Variants in C5orf63 observed in about 807,000 individuals in gnomAD.
C5orf63 encodes glutaredoxin-like protein C5orf63.
In C5orf63, 18 loss-of-function variants were observed where a neutral mutation model predicts 13.3. The observed-to-expected ratio is 1.36, with a 90% CI of 0.94 to 2.01. The LOEUF is 2.01. Among genes scored for constraint, C5orf63 ranks in the 30% most tolerant of loss-of-function variants. C5orf63 has a pLI of 0.00. For synonymous variants in C5orf63, 38 were observed against 44.7 expected (o/e 0.85, Z 0.60); for missense variants, 118 against 127.7 (o/e 0.92, Z 0.36).
exon 5 of C5orf63, chr5:127,045,534 A>C (rs1171483800): frequency 6.6e-6 from 1 of 152,090 alleles, no homozygotes; most frequent in Non-Finnish European, 1.5e-5. Context: ...ATGCAATATA[A>C]TTTTCCCATC....
chr5:127,052,114 G>A (rs925079758), intron 4 of C5orf63, among the ~76,000 whole-genome samples, 167 bp from the exon 5 acceptor site: 2 of 152,108 alleles, frequency 1.3e-5, no homozygotes, highest in Non-Finnish European at 2.9e-5. Flanking sequence ...AACTTGACTG[G>A]TTTCATTATA....
At chr5:127,054,112 G>A (rs545556898) in intron 3 of C5orf63, among the ~76,000 whole-genome samples, 1 of 152,234 alleles carries the variant, frequency 6.6e-6, no homozygotes, top group Non-Finnish European at 1.5e-5. Context: ...AGTACCAAAT[G>A]TGCTAAAATT....
At chr5:127,060,153 C>T (rs564062129) in intron 2 of C5orf63, among the ~76,000 whole-genome samples, 42 of 151,862 alleles carry the variant, frequency 2.8e-4, no homozygotes, top group African/African-American at 9.4e-4. Flanking sequence ...AAAACAAAAA[C>T]AAGAACAAAA....
At chr5:127,069,135 C>G (rs1754438689) in intron 2 of C5orf63, among the ~76,000 whole-genome samples, 1 of 152,154 alleles carries the variant, frequency 6.6e-6, no homozygotes, top group Non-Finnish European at 1.5e-5. Flanking sequence ...ATACATGAGG[C>G]CTTAATAGAG....
In C5orf63 at chr5:127,051,720, T is replaced by C; in HGVS notation, c.*51A>G. 1 of 1,447,540 alleles carries C rather than the reference T, an allele frequency of 6.9e-7. No individual in the cohort carries two copies. Among genetic ancestry groups the C allele is most frequent in the Non-Finnish European group, 9.1e-7 (1 of 1,104,540 alleles). 89.7% of individuals were successfully genotyped at this position (1,447,540 alleles called of 1,614,324 possible). Reference sequence around the variant, plus strand: ...TGAGTATCAGGCCATGGTCATTTCCTTAGGAAGATGCTTTATGGGAAGAGA... The same window carrying C: ...TGAGTATCAGGCCATGGTCATTTCCCTAGGAAGATGCTTTATGGGAAGAGA... On this transcript the variant is annotated 3_prime_UTR_variant, in exon 5 of 5. Transcript: ENST00000296662.
chr5:127,070,447 C>T (rs1754495078), intron 2 of C5orf63, among the ~76,000 whole-genome samples: 1 of 152,196 alleles, frequency 6.6e-6, no homozygotes, highest in African/African-American at 2.4e-5. Context: ...GCGATTTCTG[C>T]TGCAATCCCA....
At chr5:127,071,129 T>C (rs140346901) in intron 2 of C5orf63, among the ~76,000 whole-genome samples, 151 of 152,318 alleles carry the variant, frequency 9.9e-4, no homozygotes, top group Non-Finnish European at 1.8e-3. Context: ...GTATTAGAAA[T>C]ATAAAAGTGA....
intron 2 of C5orf63, among the ~76,000 whole-genome samples, chr5:127,070,028 C>G (rs1754477540): frequency 6.6e-6 from 1 of 152,112 alleles, no homozygotes; most frequent in African/African-American, 2.4e-5. Context: ...TCGCAAAACA[C>G]TTTTCATATT....
At chr5:127,047,497 C>A, downstream of C5orf63, 1 of 536,462 alleles carries the variant, frequency 1.9e-6, no homozygotes, top group Non-Finnish European at 3.3e-6. Flanking sequence ...TGCAGGATTC[C>A]TAGTCACATG....
intron 3 of C5orf63, among the ~76,000 whole-genome samples, chr5:127,053,178 A>T (rs1480941464): frequency 6.6e-6 from 1 of 152,132 alleles, no homozygotes; most frequent in Non-Finnish European, 1.5e-5. Context: ...AAGTAAAACA[A>T]ATCTCTATTC....
At chr5:127,055,745 G>A (rs992998053) in intron 3 of C5orf63, among the ~76,000 whole-genome samples, 2 of 152,100 alleles carry the variant, frequency 1.3e-5, no homozygotes, top group African/African-American at 4.8e-5. Context: ...AAAAAACCAA[G>A]AGCATGCTAA....
chr5:127,063,771 A>C (rs554672382), intron 2 of C5orf63, among the ~76,000 whole-genome samples: 23 of 152,214 alleles, frequency 1.5e-4, no homozygotes, highest in Non-Finnish European at 3.1e-4. Flanking sequence ...TCCCTAAAGA[A>C]GACTCAGGGC....
intron 2 of C5orf63, among the ~76,000 whole-genome samples, chr5:127,062,934 T>C (rs1474749115): frequency 1.3e-5 from 2 of 151,978 alleles, no homozygotes; most frequent in Non-Finnish European, 1.5e-5. Flanking sequence ...GTTATATGCC[T>C]CTATGATATG....
At chr5:127,063,498 T>A (rs1320814348) in intron 2 of C5orf63, among the ~76,000 whole-genome samples, 1 of 152,142 alleles carries the variant, frequency 6.6e-6, no homozygotes, top group African/African-American at 2.4e-5. Context: ...CTCACTTGAG[T>A]AGAGAAACTG....
chr5:127,054,979 T>C (rs1388649017), intron 3 of C5orf63, among the ~76,000 whole-genome samples: 1 of 152,212 alleles, frequency 6.6e-6, no homozygotes, highest in Admixed American at 6.5e-5. Context: ...CCCAGCACCA[T>C]TTATTAAATA....
chr5:127,064,857 C>T (rs992489914), intron 2 of C5orf63, among the ~76,000 whole-genome samples: 10 of 152,308 alleles, frequency 6.6e-5, no homozygotes, highest in Non-Finnish European at 1.3e-4. Context: ...TGAAAACATT[C>T]TTTAGCTATT....
chr5:127,043,075 C>T (rs1383756416), downstream of C5orf63: 7 of 152,170 alleles, frequency 4.6e-5, no homozygotes, highest in Non-Finnish European at 8.8e-5. Context: ...TTGAAGGCAT[C>T]TGCTGGTCTC....
At chr5:127,062,038 T>C (rs900395402) in intron 2 of C5orf63, among the ~76,000 whole-genome samples, 2 of 152,256 alleles carry the variant, frequency 1.3e-5, no homozygotes, top group African/African-American at 4.8e-5. Context: ...TGCTTTTACC[T>C]GGCTGAGTTG....
At chr5:127,069,121 T>C (rs927735524) in intron 2 of C5orf63, among the ~76,000 whole-genome samples, 6 of 152,210 alleles carry the variant, frequency 3.9e-5, no homozygotes, top group African/African-American at 1.2e-4. Flanking sequence ...GGTTGGGTTA[T>C]ATCATACATG....
Sources: gnomAD v4.1 joint callset for allele counts (sites outside exome capture counted in the v4.1 genomes callset) on GRCh38, gnomAD v4.1.1 for gene constraint, MANE v1.5 for transcripts, NCBI Gene and HGNC (gene_info 2026-07-23, HGNC 2026-07-21) for gene names.